RALA: variants seen among roughly 807,000 people sequenced by gnomAD.
RALA encodes the protein ras-related protein Ral-A.
In RALA, 5 loss-of-function variants were observed where a neutral mutation model predicts 24.0. The observed-to-expected ratio is 0.21, with a 90% CI of 0.11 to 0.44. The LOEUF (loss-of-function observed/expected upper bound fraction) is 0.44, where lower values mean the gene tolerates loss of function less well. Among genes scored for constraint, RALA ranks in the 20% least tolerant of loss-of-function variants. The pLI, the probability that RALA is intolerant of heterozygous loss-of-function variation, is 0.99. For synonymous variants in RALA, 77 were observed against 83.8 expected, an observed-to-expected ratio of 0.92 and a Z score of 0.44; for missense variants, 95 against 241.2, an observed-to-expected ratio of 0.39 and a Z score of 4.01.
At chr7:39,629,927 C>T (rs912642241) in intron 1 of RALA, among the ~76,000 whole-genome samples, 3 of 152,134 alleles carry the variant, frequency 2.0e-5, no homozygotes, top group Non-Finnish European at 2.9e-5. Flanking sequence ...GATGGGGTTT[C>T]ACCATGTTGG....
intron 1 of RALA, among the ~76,000 whole-genome samples, chr7:39,665,271 C>A (rs1792263645): frequency 6.6e-6 from 1 of 152,074 alleles, no homozygotes; most frequent in South Asian, 2.1e-4. Context: ...TTATGATGAT[C>A]CACTTTCACT....
rs1221940974 is a variant in RALA, at chr7:39,690,835, T to G, written c.323+245T>G. On this transcript the variant is annotated intron_variant, in intron 3 of 4. Transcript: ENST00000005257. ...ATTGGAGTTTGATTTTGTGACAGCT[T>G]CAGTTACCCAGAGTCTCTATGAGTT... is the stretch of plus-strand genomic sequence containing the variant. 2.0e-5 allele frequency among the ~76,000 whole-genome samples: 3 copies of G among 152,244 alleles called. No homozygotes were observed. In the East Asian group the frequency reaches 5.8e-4, roughly 29 times the overall value.
chr7:39,679,568 A>G (rs912074529), intron 1 of RALA, among the ~76,000 whole-genome samples: 1 of 152,194 alleles, frequency 6.6e-6, no homozygotes. Context: ...TTTTATTTAT[A>G]GTAACTATTT....
chr7:39,652,179 G>C (rs550224658), intron 1 of RALA, among the ~76,000 whole-genome samples: 5 of 152,270 alleles, frequency 3.3e-5, no homozygotes, highest in African/African-American at 7.2e-5. Context: ...AAAGGGCAAG[G>C]TGAAAAGTGA....
At chr7:39,687,406 G>A (rs979648184) in intron 2 of RALA, among the ~76,000 whole-genome samples, 5 of 149,640 alleles carry the variant, frequency 3.3e-5, no homozygotes, top group African/African-American at 9.9e-5. Context: ...CAGCCTGGGC[G>A]ACAGAGCAAG....
intron 1 of RALA, among the ~76,000 whole-genome samples, chr7:39,635,187 A>G (rs1224364976): frequency 6.6e-6 from 1 of 152,122 alleles, no homozygotes; most frequent in East Asian, 1.9e-4. Flanking sequence ...ATAGAAAAAA[A>G]TTAGCCAAGC....
intron 1 of RALA, among the ~76,000 whole-genome samples, chr7:39,683,515 T>G (rs1792642364): frequency 6.6e-6 from 1 of 152,222 alleles, no homozygotes; most frequent in Non-Finnish European, 1.5e-5. Flanking sequence ...TGTGTTTGTC[T>G]TAAGTTCCAC....
intron 1 of RALA, among the ~76,000 whole-genome samples, chr7:39,663,949 G>T (rs1386804357): frequency 6.6e-6 from 1 of 152,190 alleles, no homozygotes; most frequent in Non-Finnish European, 1.5e-5. Flanking sequence ...TTAGAAAGAG[G>T]TTTGGCTTTT....
At chr7:39,673,033 C>T (rs1792417133) in intron 1 of RALA, among the ~76,000 whole-genome samples, 1 of 152,056 alleles carries the variant, frequency 6.6e-6, no homozygotes, top group East Asian at 1.9e-4. Flanking sequence ...ACTAAAAATA[C>T]AAAAATTAGC....
rs1793127901 is a variant in RALA, at chr7:39,706,809, T to G, written c.*564T>G. The G allele has an allele frequency of 6.5e-6, 1 of 152,762 alleles. No individual in the cohort carries two copies. The highest frequency in any genetic ancestry group is 1.5e-5 in the Non-Finnish European group (1 of 68,144). 9.5% of individuals were successfully genotyped at this position (152,762 alleles called of 1,614,324 possible). A position where few individuals can be genotyped will look rare whatever the true frequency, so the allele number is the denominator to read the frequency against. ...CCTGGTGAGTAACTTAGAAAAGTGG[T>G]GTAAACTTGTACATGGAATTTTTTG... On this transcript the variant is annotated 3_prime_UTR_variant, in exon 5 of 5. Coordinates refer to ENST00000005257, the MANE Select transcript of RALA (RefSeq NM_005402.4).
chr7:39,665,877 C>A (rs1240432888), intron 1 of RALA, among the ~76,000 whole-genome samples: 2 of 151,618 alleles, frequency 1.3e-5, no homozygotes, highest in African/African-American at 4.8e-5. Flanking sequence ...GGCTTCACAT[C>A]AATAGTGTGT....
intron 1 of RALA, among the ~76,000 whole-genome samples, chr7:39,670,570 T>C (rs1792362945): frequency 6.6e-6 from 1 of 152,250 alleles, no homozygotes; most frequent in South Asian, 2.1e-4. Context: ...GATGTATCCT[T>C]CCAGAATTAG....
intron 1 of RALA, among the ~76,000 whole-genome samples, chr7:39,641,291 A>G (rs571801742): frequency 6.6e-6 from 1 of 152,198 alleles, no homozygotes; most frequent in Non-Finnish European, 1.5e-5. Context: ...TTATTTTCTG[A>G]TTAATTTTAA....
At position 39,674,295 on chromosome 7, in the gene RALA, T is replaced by C. The variant is rs183191155; in HGVS notation, c.-37-12336T>C. On this transcript the variant is annotated intron_variant, in intron 1 of 4. Transcript: ENST00000005257. ...ATGTGATTAAGTGAACAATAATCTA[T>C]TTCTACTTGTTTTATGAACAATTTT... Among the ~76,000 whole-genome samples the C allele has an allele frequency of 3.9e-5, 6 of 152,286 alleles. No homozygotes were observed. The East Asian group carries it at 1.2e-3, about 29-fold the overall frequency.
Position 39,673,972 on chromosome 7 carries a change from C to T in RALA, c.-37-12659C>T, listed in dbSNP as rs547512932. Among the ~76,000 whole-genome samples, 15 of 151,614 alleles carry T rather than the reference C, an allele frequency of 9.9e-5. No homozygotes were observed. The East Asian group carries it at 1.9e-3, about 20-fold the overall frequency. On this transcript the variant is annotated intron_variant, in intron 1 of 4. Transcript: ENST00000005257. ...CAGCCCAGGCAACATAGTGAGACCTCGTCTCTACTAAAAATTCAACAAAGA... is the reference window on the plus strand; with the variant it reads ...CAGCCCAGGCAACATAGTGAGACCTTGTCTCTACTAAAAATTCAACAAAGA...
At chr7:39,675,452 G>A (rs1201724319) in intron 1 of RALA, among the ~76,000 whole-genome samples, 1 of 152,130 alleles carries the variant, frequency 6.6e-6, no homozygotes, top group African/African-American at 2.4e-5. Context: ...AAATATACTT[G>A]TGGGCCTGGC....
intron 1 of RALA, among the ~76,000 whole-genome samples, chr7:39,640,170 C>A (rs868031753): frequency 1.3e-5 from 2 of 152,118 alleles, no homozygotes; most frequent in South Asian, 4.1e-4. Context: ...CTCAGCCTCC[C>A]CAACAGCTGG....
At chr7:39,682,401 C>A (rs1197346405) in intron 1 of RALA, among the ~76,000 whole-genome samples, 2 of 152,196 alleles carry the variant, frequency 1.3e-5, no homozygotes, top group African/African-American at 4.8e-5. Flanking sequence ...TTGATACTTC[C>A]ACTGTCCATT....
intron 1 of RALA, among the ~76,000 whole-genome samples, chr7:39,680,491 A>G (rs1792573557): frequency 6.6e-6 from 1 of 151,592 alleles, no homozygotes; most frequent in Non-Finnish European, 1.5e-5. Flanking sequence ...CAGGAGAATC[A>G]CATGAACCCA....
Sources: gnomAD v4.1 joint callset for allele counts (sites outside exome capture counted in the v4.1 genomes callset) on GRCh38, gnomAD v4.1.1 for gene constraint, MANE v1.5 for transcripts, NCBI Gene and HGNC (gene_info 2026-07-23, HGNC 2026-07-21) for gene names.